Variants in EPHA6 observed in about 807,000 individuals in gnomAD.
The protein encoded by EPHA6 is EPH receptor A6, also known as ephrin type-A receptor 6.
EPHA6 carries 50 observed loss-of-function variants against 112.0 expected under a neutral mutation model. The ratio of observed to expected loss-of-function variants is 0.45; its 90% CI spans 0.36 to 0.56. The LOEUF is 0.56. Ranked by LOEUF, EPHA6 falls within the 20% of genes least tolerant of loss-of-function variation. The probability of loss-of-function intolerance (pLI) is 0.00; values close to 1 mark genes in which losing one functional copy is unlikely to be tolerated. For missense variants in EPHA6, 1,280 were observed against 1,417.4 expected (o/e 0.90, Z 1.56); for synonymous variants, 529 against 490.7 (o/e 1.08, Z -1.03).
At chr3:97,390,166 G>A (rs544050168) in intron 5 of EPHA6, among the ~76,000 whole-genome samples, 6 of 152,238 alleles carry the variant, frequency 3.9e-5, no homozygotes, top group South Asian at 2.1e-4. Context: ...CAAAGACTAC[G>A]TCCATTAAGG....
intron 2 of EPHA6, among the ~76,000 whole-genome samples, chr3:96,935,137 G>A (rs529860782): frequency 2.0e-5 from 3 of 151,712 alleles, no homozygotes; most frequent in African/African-American, 7.2e-5. Flanking sequence ...TACCATGTTC[G>A]TTTTCACTAA....
intron 4 of EPHA6, among the ~76,000 whole-genome samples, chr3:97,240,514 C>T (rs2078813895): frequency 6.6e-6 from 1 of 151,868 alleles, no homozygotes; most frequent in African/African-American, 2.4e-5. Flanking sequence ...AAAAGTACCT[C>T]TGCAAACTAT....
At chr3:97,222,647 A>G (rs1474297895) in intron 3 of EPHA6, among the ~76,000 whole-genome samples, 2 of 152,212 alleles carry the variant, frequency 1.3e-5, no homozygotes, top group Non-Finnish European at 2.9e-5. Context: ...TAAGCAGAAA[A>G]CATATAAATC....
At chr3:97,648,013 A>C (rs1444920018) in intron 14 of EPHA6, among the ~76,000 whole-genome samples, 3 of 152,188 alleles carry the variant, frequency 2.0e-5, no homozygotes, top group Non-Finnish European at 4.4e-5. Flanking sequence ...AAAAATTCTC[A>C]TGAGTAAACT....
intron 2 of EPHA6, among the ~76,000 whole-genome samples, chr3:96,896,846 C>A (rs2038297441): frequency 6.6e-6 from 1 of 152,110 alleles, no homozygotes; most frequent in South Asian, 2.1e-4. Context: ...TTCATTTATC[C>A]ATTCAAGTTG....
At chr3:97,156,398 G>GT (rs1255529742) in intron 3 of EPHA6, among the ~76,000 whole-genome samples, 4 of 152,074 alleles carry the variant, frequency 2.6e-5, no homozygotes, top group African/African-American at 9.7e-5. Context: ...TAAAATCAAT[G>GT]TTAGGCAGAT....
chr3:97,290,672 T>C (rs1406075308), intron 5 of EPHA6, among the ~76,000 whole-genome samples: 3 of 152,272 alleles, frequency 2.0e-5, no homozygotes, highest in Middle Eastern at 3.4e-3. Flanking sequence ...TTATGTATAG[T>C]TGTTTATTAC....
At chr3:96,859,613 T>C (rs1325928046) in intron 1 of EPHA6, among the ~76,000 whole-genome samples, 1 of 152,062 alleles carries the variant, frequency 6.6e-6, no homozygotes, top group African/African-American at 2.4e-5. Flanking sequence ...GCTTGTTTAA[T>C]TCATTTTTAA....
intron 3 of EPHA6, among the ~76,000 whole-genome samples, chr3:97,077,918 A>T (rs375160649): frequency 1.3e-5 from 2 of 152,154 alleles, no homozygotes; most frequent in Non-Finnish European, 2.9e-5. Flanking sequence ...CAGTAATGGG[A>T]TTGCTGGGCC....
At chr3:97,117,674 A>G (rs933428696) in intron 3 of EPHA6, among the ~76,000 whole-genome samples, 2 of 151,670 alleles carry the variant, frequency 1.3e-5, no homozygotes, top group Admixed American at 6.6e-5. Flanking sequence ...TCTTTGGTCT[A>G]TATGTCTGTT....
chr3:97,381,978 C>A (rs917091093), intron 5 of EPHA6, among the ~76,000 whole-genome samples: 3 of 151,950 alleles, frequency 2.0e-5, no homozygotes, highest in African/African-American at 7.2e-5. Flanking sequence ...TTCTTATTTT[C>A]TGTAGTCTCT....
chr3:97,419,055 A>G (rs1221267372), intron 6 of EPHA6, among the ~76,000 whole-genome samples: 2 of 152,196 alleles, frequency 1.3e-5, no homozygotes, highest in Non-Finnish European at 2.9e-5. Context: ...CTGTAATCCC[A>G]GCACTTTGGC....
chr3:97,402,692 A>G (rs568085681), intron 5 of EPHA6, among the ~76,000 whole-genome samples: 27 of 152,248 alleles, frequency 1.8e-4, no homozygotes, highest in African/African-American at 6.0e-4. Flanking sequence ...TTTAGCTCAT[A>G]TGACAAACTT....
At position 96,972,468 on chromosome 3, in the gene EPHA6, T is replaced by C. The variant is rs1576209119; in HGVS notation, c.451-14862T>C. On this transcript the variant is annotated intron_variant, in intron 2 of 17. Transcript: ENST00000389672. ...ACACACACACACACACACACGTATT[T>C]AGGAAGCACAGGTAAAGACGAAAAT... is the stretch of plus-strand genomic sequence containing the variant. Among the ~76,000 whole-genome samples, 3 of 150,516 alleles carry C rather than the reference T, an allele frequency of 2.0e-5. No individual in the cohort carries two copies. In the East Asian group the frequency reaches 5.9e-4, roughly 29 times the overall value.
intron 14 of EPHA6, among the ~76,000 whole-genome samples, chr3:97,640,458 A>G (rs893932078): frequency 1.3e-5 from 2 of 152,020 alleles, no homozygotes; most frequent in African/African-American, 4.8e-5. Flanking sequence ...ACAAACATAG[A>G]CGCATGTCTT....
chr3:97,032,338 A>G (rs967348132), intron 3 of EPHA6, among the ~76,000 whole-genome samples: 8 of 152,074 alleles, frequency 5.3e-5, no homozygotes, highest in Non-Finnish European at 8.8e-5. Context: ...TAGGAGATAT[A>G]CCTAATGCTA....
In EPHA6 at chr3:97,230,274, C is replaced by T. The variant is rs57073545; in HGVS notation, c.1270+3855C>T. On this transcript the variant is annotated intron_variant, in intron 4 of 17. Coordinates refer to ENST00000389672, the MANE Select transcript of EPHA6 (RefSeq NM_001080448.3). ...GTAGTATAGTCAATAATTGAGAAGG[C>T]TTAGAGTTATTCAGCATGACAAACT... is the stretch of plus-strand genomic sequence containing the variant. 3.4e-3 allele frequency among the ~76,000 whole-genome samples: 511 copies of T among 152,124 alleles called. 1 individual carries two copies. Among genetic ancestry groups the T allele is most frequent in the African/African-American group, 0.011 (474 of 41,536 alleles).
intron 3 of EPHA6, among the ~76,000 whole-genome samples, chr3:97,188,557 GAAAT>G (rs1160714645): frequency 1.3e-5 from 2 of 151,762 alleles, no homozygotes; most frequent in Non-Finnish European, 2.9e-5. Context: ...GCTTTAGAAA[GAAAT>G]AAATACAGCA....
intron 14 of EPHA6, among the ~76,000 whole-genome samples, chr3:97,662,442 C>T (rs2094176044): frequency 6.6e-6 from 1 of 152,080 alleles, no homozygotes; most frequent in Non-Finnish European, 1.5e-5. Context: ...CAGACCCTGT[C>T]CCATACTGCA....
Sources: gnomAD v4.1 joint callset for allele counts (sites outside exome capture counted in the v4.1 genomes callset) on GRCh38, gnomAD v4.1.1 for gene constraint, MANE v1.5 for transcripts, NCBI Gene and HGNC (gene_info 2026-07-23, HGNC 2026-07-21) for gene names.